RANBP17: variants seen among roughly 807,000 people sequenced by gnomAD.
The protein encoded by RANBP17 is ran-binding protein 17.
A neutral mutation model predicts 141.2 loss-of-function variants in RANBP17; 158 were observed. That is an observed-to-expected ratio of 1.12 (90% CI 0.98 to 1.28). RANBP17 has a LOEUF of 1.28. RANBP17 is among the 50% of genes most tolerant of loss of function. The pLI, the probability that RANBP17 is intolerant of heterozygous loss-of-function variation, is 0.00. For missense variants in RANBP17, 1,438 were observed against 1,290.7 expected (o/e 1.11, Z -1.75); for synonymous variants, 430 against 450.0 (o/e 0.96, Z 0.56).
At chr5:170,914,410 G>A (rs2127428114) in intron 8 of RANBP17, among the ~76,000 whole-genome samples, 170 bp downstream of exon 8, 1 of 152,160 alleles carries the variant, frequency 6.6e-6, no homozygotes, top group Middle Eastern at 3.4e-3. Flanking sequence ...AATTTTGTTT[G>A]TTTTGTCAAC....
intron 14 of RANBP17, among the ~76,000 whole-genome samples, chr5:171,055,895 AAC>A (rs796123889): frequency 0.016 from 551 of 33,492 alleles, 56 homozygotes; most frequent in South Asian, 0.12. Context: ...AAAAAAAAAA[AAC>A]AAAAAAAAAA....
intron 12 of RANBP17, among the ~76,000 whole-genome samples, chr5:170,936,089 C>A (rs909790861): frequency 6.6e-6 from 1 of 152,152 alleles, no homozygotes; most frequent in African/African-American, 2.4e-5. Context: ...TGGGACCCTC[C>A]GAGCTAGGTG....
rs190283608 is a variant in RANBP17 at position 171,000,759 on chromosome 5, A to C, written c.1710+32382A>C. ...GAGTTAGGAGCAATGTTTTACGGGC[A>C]GGGGGTGGATCTCACAAAGTACATT... On this transcript the variant is annotated intron_variant, in intron 14 of 27. Transcript: ENST00000523189. 3.3e-3 allele frequency among the ~76,000 whole-genome samples: 508 copies of C among 152,280 alleles called. 9 individuals are homozygous for C. The highest frequency in any genetic ancestry group is 0.026 in the Admixed American group (401 of 15,294).
chr5:171,109,483 G>A lies in RANBP17; in HGVS notation c.1711-60647G>A, dbSNP rs139412588. 4.2e-3 allele frequency among the ~76,000 whole-genome samples: 639 copies of A among 152,170 alleles called. 5 individuals carry two copies. Among genetic ancestry groups the A allele is most frequent in the African/African-American group, 0.015 (615 of 41,522 alleles). On this transcript the variant is annotated intron_variant, in intron 14 of 27. Transcript: ENST00000523189. ...TGCATATTGTTTTGAAATGACAGTC[G>A]TCCCTCAGTATCTGTGTAGGATTGG...
At chr5:171,249,443 T>G (rs1438713156) in intron 24 of RANBP17, among the ~76,000 whole-genome samples, 2 of 152,134 alleles carry the variant, frequency 1.3e-5, no homozygotes, top group Non-Finnish European at 2.9e-5. Context: ...AAAGAAATTT[T>G]CAAAATCCCA....
intron 8 of RANBP17, among the ~76,000 whole-genome samples, chr5:170,915,390 C>T (rs1393145031): frequency 1.3e-5 from 2 of 152,062 alleles, no homozygotes; most frequent in Non-Finnish European, 2.9e-5. Context: ...AAGTGACTTC[C>T]CCCAGGGCAA....
chr5:171,071,932 A>G (rs558069585), intron 14 of RANBP17, among the ~76,000 whole-genome samples: 1 of 152,258 alleles, frequency 6.6e-6, no homozygotes, highest in East Asian at 1.9e-4. Context: ...AGGCACTGTT[A>G]ACAAGAATGA....
At chr5:171,189,813 C>A (rs1761505992) in intron 18 of RANBP17, among the ~76,000 whole-genome samples, 1 of 152,144 alleles carries the variant, frequency 6.6e-6, no homozygotes. Context: ...TTGACTGGAA[C>A]ATGGCTGTCA....
chr5:171,142,861 T>C (rs1284690977), intron 14 of RANBP17, among the ~76,000 whole-genome samples: 1 of 152,240 alleles, frequency 6.6e-6, no homozygotes, highest in East Asian at 1.9e-4. Context: ...TAATGAATTA[T>C]AGACCAGTGT....
chr5:171,274,155 C>CGT lies in RANBP17; in HGVS notation c.2943+8309_2943+8310insTG, dbSNP rs1767345635. The stretch of plus-strand genomic sequence containing the variant: ...GTGTGTGTGTGTGTGTGTGTGCGCG[C>CGT]GCGCGCGCGTGCGCAAAATCTAACT... On this transcript the variant is annotated intron_variant, in intron 25 of 27. Coordinates refer to ENST00000523189, the MANE Select transcript of RANBP17 (RefSeq NM_022897.5). Among the ~76,000 whole-genome samples the CGT allele has an allele frequency of 2.3e-4, 33 of 144,332 alleles. No homozygotes were observed. In the Admixed American group the frequency reaches 2.4e-3, roughly 10 times the overall value. 94.7% of individuals were successfully genotyped at this position (144,332 alleles called of 152,430 possible).
intron 14 of RANBP17, among the ~76,000 whole-genome samples, chr5:171,095,898 T>C (rs1786651660): frequency 6.6e-6 from 1 of 152,148 alleles, no homozygotes; most frequent in Non-Finnish European, 1.5e-5. Flanking sequence ...TTGTATGTAT[T>C]TGTACTATGT....
chr5:170,920,776 A>G (rs1415253238), intron 11 of RANBP17, among the ~76,000 whole-genome samples: 1 of 152,100 alleles, frequency 6.6e-6, no homozygotes, highest in African/African-American at 2.4e-5. Context: ...CTGACTTTTT[A>G]ATGATCACCA....
intron 5 of RANBP17, chr5:170,904,199 G>T: frequency 3.5e-6 from 1 of 287,128 alleles, no homozygotes; most frequent in South Asian, 4.9e-5. Context: ...CCCTCCTGTG[G>T]ACCATTTTTA....
chr5:171,063,248 G>A (rs1185643074), intron 14 of RANBP17, among the ~76,000 whole-genome samples: 1 of 152,152 alleles, frequency 6.6e-6, no homozygotes, highest in Non-Finnish European at 1.5e-5. Flanking sequence ...GCTTTTTAGA[G>A]TTTCCAGTTT....
intron 14 of RANBP17, among the ~76,000 whole-genome samples, chr5:171,063,334 T>G (rs547061961): frequency 8.1e-4 from 123 of 152,294 alleles, no homozygotes; most frequent in Middle Eastern, 3.4e-3. Flanking sequence ...ACAGATGGGT[T>G]TTTGGTGTGG....
intron 14 of RANBP17, among the ~76,000 whole-genome samples, chr5:171,158,056 C>A (rs1384657123): frequency 6.6e-6 from 1 of 152,162 alleles, no homozygotes; most frequent in African/African-American, 2.4e-5. Flanking sequence ...GAAAAGCCAG[C>A]CTATGTTGAA....
intron 14 of RANBP17, among the ~76,000 whole-genome samples, chr5:171,095,585 C>A (rs1786630397): frequency 6.6e-6 from 1 of 152,120 alleles, no homozygotes; most frequent in Admixed American, 6.5e-5. Flanking sequence ...AATGGAAATT[C>A]AGAATGGTTA....
rs1463432032 is a variant in RANBP17, at chr5:171,221,667, T to TA, written c.2340-90dup. ...CTTTAAGAGACAATTGTACTGCTGCTACTTCTTATAAATGAAAATCCTAGG... is the reference window on the plus strand; with the variant it reads ...CTTTAAGAGACAATTGTACTGCTGCTAACTTCTTATAAATGAAAATCCTAGG... On this transcript the variant is annotated intron_variant, in intron 21 of 27. Transcript: ENST00000523189. The TA allele has an allele frequency of 4.1e-6, 3 of 735,390 alleles. No individual in the cohort carries two copies. In the African/African-American group the frequency reaches 5.3e-5, roughly 13 times the overall value. The allele number at this position is 735,390 out of a possible 1,614,324, so 45.6% of individuals were successfully genotyped here. A position where few individuals can be genotyped will look rare whatever the true frequency, so the allele number is the denominator to read the frequency against.
At chr5:170,950,331 T>C (rs1198487248) in intron 12 of RANBP17, among the ~76,000 whole-genome samples, 3 of 151,448 alleles carry the variant, frequency 2.0e-5, no homozygotes, top group Non-Finnish European at 4.4e-5. Context: ...ATTTGCAAAC[T>C]GACCAGGGAG....
Sources: gnomAD v4.1 joint callset for allele counts (sites outside exome capture counted in the v4.1 genomes callset) on GRCh38, gnomAD v4.1.1 for gene constraint, MANE v1.5 for transcripts, NCBI Gene and HGNC (gene_info 2026-07-23, HGNC 2026-07-21) for gene names.